Variants in VPS41 observed in about 807,000 individuals in gnomAD.
VPS41 encodes the protein VPS41 subunit of HOPS complex.
A neutral mutation model predicts 130.9 loss-of-function variants in VPS41; 85 were observed. The ratio of observed to expected loss-of-function variants is 0.65; its 90% CI spans 0.55 to 0.78. The LOEUF (loss-of-function observed/expected upper bound fraction) is 0.78, where lower values mean the gene tolerates loss of function less well. VPS41 is among the 30% of genes least tolerant of loss of function. The probability of loss-of-function intolerance (pLI) is 0.00; values close to 1 mark genes in which losing one functional copy is unlikely to be tolerated. For synonymous variants in VPS41, 335 were observed against 332.9 expected, an observed-to-expected ratio of 1.01 and a Z score of -0.07; for missense variants, 874 against 1,018.7, an observed-to-expected ratio of 0.86 and a Z score of 1.93.
intron 2 of VPS41, among the ~76,000 whole-genome samples, chr7:38,894,902 C>G (rs2116428050): frequency 6.6e-6 from 1 of 152,376 alleles, no homozygotes; most frequent in African/African-American, 2.4e-5. Context: ...TTGGGTCTCA[C>G]TTTCCTCAAT....
chr7:38,865,458 G>A (rs1483504401), intron 3 of VPS41, among the ~76,000 whole-genome samples: 1 of 151,852 alleles, frequency 6.6e-6, no homozygotes, highest in African/African-American at 2.4e-5. Flanking sequence ...TCTATAATAC[G>A]CTTAGACAAT....
chr7:38,831,935 A>C (rs779597226), intron 4 of VPS41, among the ~76,000 whole-genome samples: 6 of 152,204 alleles, frequency 3.9e-5, no homozygotes, highest in Non-Finnish European at 7.3e-5. Flanking sequence ...TGGGGGAAAA[A>C]AATCATACCT....
chr7:38,865,778 G>A (rs926764217), intron 3 of VPS41, among the ~76,000 whole-genome samples: 1 of 152,120 alleles, frequency 6.6e-6, no homozygotes, highest in African/African-American at 2.4e-5. Flanking sequence ...CATGCCCAGG[G>A]GAAGAGACAG....
intron 4 of VPS41, among the ~76,000 whole-genome samples, chr7:38,853,721 C>G (rs1355485093): frequency 1.3e-5 from 2 of 152,186 alleles, no homozygotes; most frequent in Non-Finnish European, 2.9e-5. Context: ...CTACCCAATT[C>G]AGAGTCATGT....
intron 4 of VPS41, among the ~76,000 whole-genome samples, chr7:38,837,236 G>C (rs1394058417): frequency 1.3e-5 from 2 of 152,158 alleles, no homozygotes; most frequent in Non-Finnish European, 2.9e-5. Context: ...ATTAGCATGG[G>C]AGCTGGACAA....
At chr7:38,730,170 T>C (rs1795634688) in intron 25 of VPS41, among the ~76,000 whole-genome samples, 1 of 152,220 alleles carries the variant, frequency 6.6e-6, no homozygotes, top group Non-Finnish European at 1.5e-5. Context: ...CAAGTGCCAC[T>C]GTTTAGAGGG....
chr7:38,814,857 T>TA (rs1163350673), intron 7 of VPS41, among the ~76,000 whole-genome samples: 8 of 152,152 alleles, frequency 5.3e-5, no homozygotes, highest in African/African-American at 1.9e-4. Flanking sequence ...CAAAACATGC[T>TA]AGGGAAATAT....
intron 4 of VPS41, among the ~76,000 whole-genome samples, chr7:38,847,714 A>C (rs1173203505): frequency 6.6e-6 from 1 of 152,212 alleles, no homozygotes; most frequent in Non-Finnish European, 1.5e-5. Flanking sequence ...TCCCTGTTTA[A>C]GTTCTCAATA....
At chr7:38,765,990 C>T (rs768463663) in intron 15 of VPS41, among the ~76,000 whole-genome samples, 23 of 152,166 alleles carry the variant, frequency 1.5e-4, no homozygotes, top group African/African-American at 2.4e-5. Flanking sequence ...CTGCTGGTTT[C>T]GGGAGACCTT....
Position 38,831,936 on chromosome 7 carries a change from A to C in VPS41, c.247-1608T>G, listed in dbSNP as rs116795053. 5.6e-3 allele frequency among the ~76,000 whole-genome samples: 858 copies of C among 152,344 alleles called. 11 individuals are homozygous for C. Among genetic ancestry groups the C allele is most frequent in the African/African-American group, 0.02 (814 of 41,590 alleles). Reference sequence around the variant, plus strand: ...CATTAGCAACATTATGGGGGAAAAAAATCATACCTCTAAGGTAAGATAATC... The same window carrying C: ...CATTAGCAACATTATGGGGGAAAAACATCATACCTCTAAGGTAAGATAATC... On this transcript the variant is annotated intron_variant, in intron 4 of 28. Coordinates refer to ENST00000310301, the MANE Select transcript of VPS41 (RefSeq NM_014396.4).
intron 7 of VPS41, among the ~76,000 whole-genome samples, chr7:38,810,899 A>G (rs1032320264): frequency 1.1e-4 from 16 of 152,150 alleles, no homozygotes; most frequent in Non-Finnish European, 1.6e-4. Flanking sequence ...GCTTTTCAAA[A>G]TTGTTCTGCC....
At chr7:38,866,193 A>G (rs894640578) in intron 3 of VPS41, among the ~76,000 whole-genome samples, 5 of 152,216 alleles carry the variant, frequency 3.3e-5, no homozygotes, top group Non-Finnish European at 7.3e-5. Flanking sequence ...ACAGAAGCCA[A>G]TAATAGACAG....
intron 11 of VPS41, chr7:38,775,295 A>G (rs1784236896): frequency 6.6e-6 from 1 of 152,202 alleles, no homozygotes; most frequent in South Asian, 2.1e-4. Context: ...TGGCATAAAC[A>G]TGTTCCAGTC....
rs1222816014 is a variant in VPS41, at chr7:38,862,632, G to A, written c.169-10C>T. ...TGCCCAATGCCAAAAACTGTAAGAA[G>A]AACAAAGAGGCCAGTTAATTAATTA... is the stretch of plus-strand genomic sequence containing the variant. On this transcript the variant is annotated splice_polypyrimidine_tract_variant and intron_variant, in intron 3 of 28. Coordinates refer to ENST00000310301, the MANE Select transcript of VPS41 (RefSeq NM_014396.4). The A allele has an allele frequency of 6.4e-6, 10 of 1,566,358 alleles. No individual in the cohort carries two copies. The East Asian group carries it at 2.0e-4, about 32-fold the overall frequency.
At chr7:38,909,024 G>T in intron 1 of VPS41, 130 bp downstream of exon 1, 1 of 561,908 alleles carries the variant, frequency 1.8e-6, no homozygotes, top group Non-Finnish European at 3.1e-6. Flanking sequence ...ATCCCACCCC[G>T]CCCTGCCGCG....
intron 9 of VPS41, among the ~76,000 whole-genome samples, chr7:38,794,948 A>G (rs898254544): frequency 5.9e-5 from 9 of 152,212 alleles, no homozygotes; most frequent in Admixed American, 3.3e-4. Flanking sequence ...CATAAGGGTC[A>G]GATAATTAAA....
Position 38,753,478 on chromosome 7 carries a change from C to T in VPS41, c.1789-1165G>A, listed in dbSNP as rs972731618. Among the ~76,000 whole-genome samples the T allele has an allele frequency of 5.9e-5, 9 of 152,034 alleles. No individual in the cohort carries two copies. The East Asian group carries it at 1.4e-3, about 23-fold the overall frequency. The stretch of plus-strand genomic sequence containing the variant: ...ACTGGCACTGGGGTCAGTGTGTTAG[C>T]GGGGATATGTGGTGCTGTTTCCCAG... On this transcript the variant is annotated intron_variant, in intron 21 of 28. Transcript: ENST00000310301.
chr7:38,885,308 C>T (rs1786699946), intron 2 of VPS41, among the ~76,000 whole-genome samples: 1 of 152,182 alleles, frequency 6.6e-6, no homozygotes. Flanking sequence ...CTCCCCACCT[C>T]ATAATCCACT....
At position 38,734,818 on chromosome 7, in the gene VPS41, A is replaced by G. The variant is rs79137131; in HGVS notation, c.2260-6027T>C. 8.7e-3 allele frequency among the ~76,000 whole-genome samples: 1,320 copies of G among 152,334 alleles called. 19 individuals are homozygous for G. The highest frequency in any genetic ancestry group is 0.03 in the African/African-American group (1,261 of 41,566). On this transcript the variant is annotated intron_variant, in intron 25 of 28. Coordinates refer to ENST00000310301, the MANE Select transcript of VPS41 (RefSeq NM_014396.4). ...GCTTATCATTAGAACTGCAAATGAC[A>G]GACAGCTACCTGGTTTTAAAAGCCC... is the stretch of plus-strand genomic sequence containing the variant.
Sources: gnomAD v4.1 joint callset for allele counts (sites outside exome capture counted in the v4.1 genomes callset) on GRCh38, gnomAD v4.1.1 for gene constraint, MANE v1.5 for transcripts, NCBI Gene and HGNC (gene_info 2026-07-23, HGNC 2026-07-21) for gene names.